Variants in PCSK9 observed in about 807,000 individuals in gnomAD.
The protein encoded by PCSK9 is convertase subtilisin/kexin type 9 preproprotein.
PCSK9 carries 57 observed loss-of-function variants against 62.1 expected under a neutral mutation model. That is an observed-to-expected ratio of 0.92 (90% CI 0.74 to 1.14). The LOEUF is 1.14. Among genes scored for constraint, PCSK9 ranks in the 50% most tolerant of loss-of-function variants. PCSK9 has a pLI of 0.00. For missense variants in PCSK9, 870 were observed against 959.8 expected (o/e 0.91, Z 1.24); for synonymous variants, 387 against 409.4 (o/e 0.95, Z 0.66).
In PCSK9 at chr1:55,046,549, C is replaced by T. The variant is rs67608943; in HGVS notation, c.426C>T (p.Tyr142=). 6.2e-7 allele frequency: 1 copy of T among 1,614,076 alleles called. No individual in the cohort carries two copies. Among genetic ancestry groups the T allele is most frequent in the Non-Finnish European group, 8.5e-7 (1 of 1,180,040 alleles). The change falls in exon 3 of 12, where the codon TAC becomes TAT. Residue 142 remains tyrosine (Y), a synonymous_variant. Coordinates refer to ENST00000302118, the MANE Select transcript of PCSK9 (RefSeq NM_174936.4). ...ELALKLPHVD[Y]IEEDSSVFAQ... ...CCTTGAAGTTGCCCCATGTCGACTA[C>T]ATCGAGGAGGACTCCTCTGTCTTTG...
chr1:55,044,562 T>G (rs1644620143), intron 2 of PCSK9, among the ~76,000 whole-genome samples: 2 of 152,070 alleles, frequency 1.3e-5, no homozygotes, highest in Non-Finnish European at 2.9e-5. Flanking sequence ...GACTGGGTAT[T>G]CTCCTCACCC....
At position 55,059,742 on chromosome 1, in the gene PCSK9, C is replaced by CGTGGTGTG. The variant is rs1644745712; in HGVS notation, c.1681+79_1681+80insGTGGTGTG. On this transcript the variant is annotated intron_variant, in intron 10 of 11. Coordinates refer to ENST00000302118, the MANE Select transcript of PCSK9 (RefSeq NM_174936.4). ...CCCACTGCCCGCGAGGCTTGGTCCT[C>CGTGGTGTG]ACAAGTGTGATCCATGAGACTCAAG... 2.0e-6 allele frequency: 3 copies of CGTGGTGTG among 1,494,824 alleles called. 1 individual carries two copies. The highest frequency in any genetic ancestry group is 2.7e-6 in the Non-Finnish European group (3 of 1,105,128). 92.6% of individuals were successfully genotyped at this position (1,494,824 alleles called of 1,614,324 possible).
chr1:55,039,879 A>ACTGCTG lies in PCSK9; in HGVS notation c.60_65dup (p.Leu22_Leu23dup), dbSNP rs35574083. On this transcript the variant is annotated inframe_insertion, in exon 1 of 12. Transcript: ENST00000302118. The stretch of plus-strand genomic sequence containing the variant: ...CCAGGCGGTCCTGGTGGCCGCTGCC[A>ACTGCTG]CTGCTGCTGCTGCTGCTGCTGCTCC... The ACTGCTG allele has an allele frequency of 3.2e-3, 5,004 of 1,557,940 alleles. 9 individuals carry two copies. The highest frequency in any genetic ancestry group is 3.5e-3 in the Non-Finnish European group (3,983 of 1,151,128).
rs1035990291 is a variant in PCSK9, at chr1:55,039,710, C to T, written c.-128C>T. The T allele has an allele frequency of 1.7e-6, 2 of 1,160,084 alleles. No individual in the cohort carries two copies. The highest frequency in any genetic ancestry group is 1.5e-5 in the African/African-American group (1 of 64,762). The allele number at this position is 1,160,084 out of a possible 1,614,324, so 71.9% of individuals were successfully genotyped here. On this transcript the variant is annotated 5_prime_UTR_variant, in exon 1 of 12. It adds an upstream start codon to the 5' untranslated region. Coordinates refer to ENST00000302118, the MANE Select transcript of PCSK9 (RefSeq NM_174936.4). ...AGCCAGGATTCCGCGCGCCCCTTCA[C>T]GCGCCCTGCTCCTGAACTTCAGCTC...
At chr1:55,059,797 G>C (rs1644745996) in intron 10 of PCSK9, 134 bp downstream of exon 10, 22 of 1,186,840 alleles carry the variant, frequency 1.9e-5, no homozygotes, top group Non-Finnish European at 2.5e-5. Flanking sequence ...CTCTGGTTCT[G>C]CCACTTCCAT....
In PCSK9 at chr1:55,061,398, G is replaced by C. The variant is rs761118507; in HGVS notation, c.1705G>C (p.Glu569Gln). The C allele has an allele frequency of 6.2e-7, 1 of 1,609,674 alleles. No individual in the cohort carries two copies. Among genetic ancestry groups the C allele is most frequent in the Admixed American group, 1.7e-5 (1 of 59,774 alleles). Residue 569 changes from glutamate to glutamine, a missense_variant, in exon 11 of 12, where the codon GAG becomes CAG. Physicochemically the swap from Glu to Gln is conservative, Grantham distance 29 (BLOSUM62 2). Coordinates refer to ENST00000302118, the MANE Select transcript of PCSK9 (RefSeq NM_174936.4). ...AGGCTGCAGCTCCCACTGGGAGGTG[G>C]AGGACCTTGGCACCCACAAGCCGCC... ...LTGCSSHWEV[E>Q]DLGTHKPPVL...
In PCSK9 at chr1:55,040,173, C is replaced by A; in HGVS notation, c.207+129C>A. On this transcript the variant is annotated intron_variant, in intron 1 of 11. Transcript: ENST00000302118. The surrounding 1 kb of genome is among the most constrained non-coding windows in gnomAD (Gnocchi z 4.1). Reference sequence around the variant, plus strand: ...AGTGCAGGTCGCCGAGGGCTCTTCGCTTGGCACGATCTTGGGGACTGCAGG... The same window carrying A: ...AGTGCAGGTCGCCGAGGGCTCTTCGATTGGCACGATCTTGGGGACTGCAGG... 1.6e-6 allele frequency: 2 copies of A among 1,271,306 alleles called. No homozygotes were observed. Among genetic ancestry groups the A allele is most frequent in the South Asian group, 1.4e-5 (1 of 70,400 alleles). The allele number at this position is 1,271,306 out of a possible 1,614,324, so 78.8% of individuals were successfully genotyped here.
At chr1:55,052,442 C>T in intron 4 of PCSK9, 31 bp downstream of exon 4, 1 of 1,613,420 alleles carries the variant, frequency 6.2e-7, no homozygotes, top group South Asian at 1.1e-5. Context: ...GGAGGGCTGC[C>T]TCTGCCCATA....
intron 5 of PCSK9, among the ~76,000 whole-genome samples, chr1:55,054,801 C>T (rs148142685): frequency 1.3e-5 from 2 of 152,230 alleles, no homozygotes; most frequent in East Asian, 3.9e-4. Flanking sequence ...GTCAGGACAT[C>T]GAGACCATCC....
chr1:55,046,711 C>A, intron 3 of PCSK9, 65 bp downstream of exon 3: 1 of 1,592,918 alleles, frequency 6.3e-7, no homozygotes, highest in Non-Finnish European at 8.6e-7. Flanking sequence ...CTGCCCTGGC[C>A]TGGCCTCCCT....
chr1:55,061,419 C>T lies in PCSK9; in HGVS notation c.1726C>T (p.Pro576Ser), dbSNP rs1361987459. ...GGTGGAGGACCTTGGCACCCACAAG[C>T]CGCCTGTGCTGAGGCCACGAGGTCA... ...WEVEDLGTHK[P>S]PVLRPRGQPN... The change falls in exon 11 of 12, where the codon CCG (proline) becomes TCG (serine). Residue 576 changes from proline (P) to serine (S), a missense_variant. Transcript: ENST00000302118. The T allele has an allele frequency of 6.2e-7, 1 of 1,610,768 alleles. No individual in the cohort carries two copies. The highest frequency in any genetic ancestry group is 8.5e-7 in the Non-Finnish European group (1 of 1,179,210).
At chr1:55,051,166 C>T (rs758693611) in intron 3 of PCSK9, 1 of 456,304 alleles carries the variant, frequency 2.2e-6, no homozygotes, top group South Asian at 1.5e-5. Flanking sequence ...CTCACCTGTC[C>T]TGAGATGAGA....
At position 55,052,729 on chromosome 1, in the gene PCSK9, G is replaced by T; in HGVS notation, c.737G>T (p.Ser246Ile). Residue 246 changes from serine (S) to isoleucine (I), a missense_variant, in exon 5 of 12, where the codon AGC becomes ATC. Transcript: ENST00000302118. The part of the protein sequence containing the change: ...GRDAGVAKGA[S>I]MRSLRVLNCQ... ...GATGCCGGCGTGGCCAAGGGTGCCA[G>T]CATGCGCAGCCTGCGCGTGCTCAAC... 6.2e-7 allele frequency: 1 copy of T among 1,613,188 alleles called. No homozygotes were observed. The highest frequency in any genetic ancestry group is 8.5e-7 in the Non-Finnish European group (1 of 1,180,024).
intron 10 of PCSK9, among the ~76,000 whole-genome samples, chr1:55,060,436 AG>A (rs1644750618): frequency 6.6e-6 from 1 of 152,172 alleles, no homozygotes; most frequent in Non-Finnish European, 1.5e-5. Flanking sequence ...GTTTGGGAAC[AG>A]GAGAGTGAGG....
At chr1:55,055,037 T>C (rs1644703141) in intron 5 of PCSK9, among the ~76,000 whole-genome samples, 1 of 149,090 alleles carries the variant, frequency 6.7e-6, no homozygotes, top group African/African-American at 2.5e-5. Context: ...CTGTTACTGT[T>C]GACAGTAGCA....
At chr1:55,046,739 C>T in intron 3 of PCSK9, 93 bp downstream of exon 3, 1 of 1,496,996 alleles carries the variant, frequency 6.7e-7, no homozygotes, top group South Asian at 1.2e-5. Context: ...GTTTCCACTT[C>T]TCGGGGGGCT....
At chr1:55,042,980 T>G (rs1360178543) in intron 1 of PCSK9, among the ~76,000 whole-genome samples, 1 of 152,216 alleles carries the variant, frequency 6.6e-6, no homozygotes, top group Non-Finnish European at 1.5e-5. Flanking sequence ...TCTTCTCTCT[T>G]GCTTCTTCTC....
At chr1:55,052,470 G>C (rs1644682129) in intron 4 of PCSK9, 59 bp downstream of exon 4, 1 of 1,612,322 alleles carries the variant, frequency 6.2e-7, no homozygotes, top group Non-Finnish European at 8.5e-7. Flanking sequence ...CCTGGAGGTG[G>C]GTGGGGACTG....
At chr1:55,052,434 A>C (rs775575765) in intron 4 of PCSK9, 23 bp downstream of exon 4, 1 of 1,613,332 alleles carries the variant, frequency 6.2e-7, no homozygotes, top group Non-Finnish European at 8.5e-7. Flanking sequence ...GTCTGATGGG[A>C]GGGCTGCCTC....
Sources: gnomAD v4.1 joint callset for allele counts (sites outside exome capture counted in the v4.1 genomes callset) on GRCh38, gnomAD v4.1.1 for gene constraint, Gnocchi (gnomAD v3.1) non-coding constraint, MANE v1.5 for transcripts, NCBI Gene and HGNC (gene_info 2026-07-23, HGNC 2026-07-21) for gene names.